The following DIAPH3 variants were observed in gnomAD, a reference collection of about 807,000 sequenced individuals.
The protein encoded by DIAPH3 is diaphanous related formin 3.
A neutral mutation model predicts 144.3 loss-of-function variants in DIAPH3; 117 were observed. The ratio of observed to expected loss-of-function variants is 0.81; its 90% CI spans 0.70 to 0.95. The LOEUF is 0.95. DIAPH3 is among the 40% of genes least tolerant of loss of function. The pLI is 0.00. For missense variants in DIAPH3, 1,421 were observed against 1,412.7 expected, an observed-to-expected ratio of 1.01 and a Z score of -0.09; for synonymous variants, 519 against 488.9, an observed-to-expected ratio of 1.06 and a Z score of -0.81.
intron 27 of DIAPH3, among the ~76,000 whole-genome samples, chr13:59,770,950 C>T (rs943643493): frequency 9.2e-5 from 14 of 152,140 alleles, no homozygotes; most frequent in Admixed American, 6.6e-5. Flanking sequence ...CAAAAGATAA[C>T]AGGTACAACT....
intron 27 of DIAPH3, among the ~76,000 whole-genome samples, chr13:59,701,954 A>T (rs916199172): frequency 2.6e-5 from 4 of 152,184 alleles, no homozygotes; most frequent in African/African-American, 9.7e-5. Context: ...TCTCCAGATT[A>T]TTTGTAAAAG....
At chr13:59,921,497 C>A (rs1376256454) in intron 18 of DIAPH3, among the ~76,000 whole-genome samples, 2 of 151,296 alleles carry the variant, frequency 1.3e-5, no homozygotes, top group Admixed American at 6.6e-5. Context: ...TGGATAAAAT[C>A]CTAGAAACTT....
chr13:59,965,378 T>C lies in DIAPH3; in HGVS notation c.2074+4566A>G, dbSNP rs144947757. On this transcript the variant is annotated intron_variant, in intron 17 of 27. Coordinates refer to ENST00000400324, the MANE Select transcript of DIAPH3 (RefSeq NM_001042517.2). The stretch of plus-strand genomic sequence containing the variant: ...GTCTAAGTGAATTAGACTATTCATA[T>C]ACTTTCAGAAAGCCCTTTAATCCCT... 2.0e-5 allele frequency among the ~76,000 whole-genome samples: 3 copies of C among 152,282 alleles called. No individual in the cohort carries two copies. In the East Asian group the frequency reaches 5.8e-4, roughly 29 times the overall value.
intron 17 of DIAPH3, among the ~76,000 whole-genome samples, chr13:59,930,067 T>C (rs775216324): frequency 2.6e-5 from 4 of 152,228 alleles, no homozygotes; most frequent in African/African-American, 7.2e-5. Context: ...TCTTCATACA[T>C]GACCTGTATA....
At chr13:59,737,366 C>A (rs1299329092) in intron 27 of DIAPH3, among the ~76,000 whole-genome samples, 1 of 152,108 alleles carries the variant, frequency 6.6e-6, no homozygotes, top group African/African-American at 2.4e-5. Flanking sequence ...AATTTTAATG[C>A]CTATATTCTT....
intron 23 of DIAPH3, among the ~76,000 whole-genome samples, chr13:59,836,613 A>T (rs909606144): frequency 1.3e-5 from 2 of 151,930 alleles, no homozygotes; most frequent in African/African-American, 4.8e-5. Flanking sequence ...ATCGAGTGCT[A>T]TTAGTAAAAT....
chr13:60,083,322 T>C (rs1214772641), intron 4 of DIAPH3, among the ~76,000 whole-genome samples: 1 of 152,110 alleles, frequency 6.6e-6, no homozygotes, highest in Non-Finnish European at 1.5e-5. Flanking sequence ...GCATTTATCC[T>C]AAATTTCCTA....
intron 20 of DIAPH3, among the ~76,000 whole-genome samples, chr13:59,886,572 T>C (rs760333751): frequency 1.3e-5 from 2 of 152,074 alleles, no homozygotes; most frequent in African/African-American, 2.4e-5. Flanking sequence ...ATCTTAACAA[T>C]ACCAACTCTT....
At chr13:59,903,486 T>C (rs1396401277) in intron 20 of DIAPH3, among the ~76,000 whole-genome samples, 1 of 151,934 alleles carries the variant, frequency 6.6e-6, no homozygotes, top group Non-Finnish European at 1.5e-5. Flanking sequence ...GTACCATGAG[T>C]AGTCACACTC....
At chr13:59,819,086 A>C (rs984700696) in intron 24 of DIAPH3, among the ~76,000 whole-genome samples, 4 of 151,854 alleles carry the variant, frequency 2.6e-5, no homozygotes, top group African/African-American at 9.7e-5. Context: ...GAGTGTTCTT[A>C]CTTAATTGAA....
intron 25 of DIAPH3, among the ~76,000 whole-genome samples, chr13:59,796,250 G>T (rs1196990273): frequency 3.9e-5 from 6 of 152,138 alleles, no homozygotes; most frequent in Non-Finnish European, 8.8e-5. Flanking sequence ...TTTTATCCAG[G>T]TTAAATTGAT....
chr13:59,682,247 A>G (rs1312457010), intron 27 of DIAPH3, among the ~76,000 whole-genome samples: 1 of 152,256 alleles, frequency 6.6e-6, no homozygotes, highest in Non-Finnish European at 1.5e-5. Flanking sequence ...CGAAGGGTCC[A>G]GAGTCATAAA....
intron 4 of DIAPH3, among the ~76,000 whole-genome samples, chr13:60,062,324 A>G (rs1302497570): frequency 6.6e-6 from 1 of 152,238 alleles, no homozygotes; most frequent in Non-Finnish European, 1.5e-5. Context: ...ATATACAAGC[A>G]GTGTTTTACA....
intron 27 of DIAPH3, among the ~76,000 whole-genome samples, chr13:59,743,924 C>G (rs932939973): frequency 1.3e-5 from 2 of 152,152 alleles, no homozygotes; most frequent in East Asian, 3.8e-4. Flanking sequence ...ATCACTGTCC[C>G]TTTCTTGTCT....
intron 21 of DIAPH3, among the ~76,000 whole-genome samples, chr13:59,878,644 GA>G (rs1326733119): frequency 6.6e-6 from 1 of 151,804 alleles, no homozygotes; most frequent in African/African-American, 2.4e-5. Context: ...TTCAACCTAT[GA>G]AAGACACAGG....
chr13:60,150,746 G>T (rs1414234667), intron 1 of DIAPH3, among the ~76,000 whole-genome samples: 2 of 152,160 alleles, frequency 1.3e-5, no homozygotes, highest in African/African-American at 2.4e-5. Flanking sequence ...AAGCCTGCCA[G>T]GTTGCTCCAG....
chr13:59,697,459 C>CAAAAAAAAAAAAAAAAA (rs58372882), intron 27 of DIAPH3, among the ~76,000 whole-genome samples: 5 of 31,188 alleles, frequency 1.6e-4, no homozygotes, highest in African/African-American at 3.6e-4. Flanking sequence ...GACACTGTCT[C>CAAAAAAAAAAAAAAAAA]AAAAAAAAAA....
At chr13:60,000,540 C>T (rs924296152) in intron 9 of DIAPH3, among the ~76,000 whole-genome samples, 2 of 151,864 alleles carry the variant, frequency 1.3e-5, no homozygotes, top group African/African-American at 2.4e-5. Flanking sequence ...AGAAGGACAA[C>T]ATAAACCCAG....
At chr13:59,876,152 G>A (rs2044613784) in intron 21 of DIAPH3, among the ~76,000 whole-genome samples, 1 of 152,088 alleles carries the variant, frequency 6.6e-6, no homozygotes, top group Non-Finnish European at 1.5e-5. Context: ...AATTCCTTGT[G>A]TAGAAGCTTA....
Sources: allele counts gnomAD v4.1 joint callset (sites outside exome capture counted in the v4.1 genomes callset), GRCh38; gene constraint gnomAD v4.1.1; transcripts MANE v1.5; gene names NCBI Gene and HGNC (gene_info 2026-07-23, HGNC 2026-07-21).